KDM4C: variants seen among roughly 807,000 people sequenced by gnomAD.
KDM4C encodes lysine-specific demethylase 4C.
In KDM4C, 81 loss-of-function variants were observed where a neutral mutation model predicts 129.3. That is an observed-to-expected ratio of 0.63 (90% CI 0.52 to 0.75). The LOEUF (loss-of-function observed/expected upper bound fraction) is 0.75, where lower values mean the gene tolerates loss of function less well. KDM4C is among the 30% of genes least tolerant of loss of function. The probability of loss-of-function intolerance (pLI) is 0.00; values close to 1 mark genes in which losing one functional copy is unlikely to be tolerated. For missense variants in KDM4C, 1,457 were observed against 1,304.0 expected, an observed-to-expected ratio of 1.12 and a Z score of -1.81; for synonymous variants, 573 against 456.1, an observed-to-expected ratio of 1.26 and a Z score of -3.26.
At position 6,758,010 on chromosome 9, in the gene KDM4C, A is replaced by T. The variant is rs958571001; in HGVS notation, c.-211A>T. The T allele has an allele frequency of 5.0e-5, 49 of 984,814 alleles. No individual in the cohort carries two copies. The highest frequency in any genetic ancestry group is 5.5e-5 in the Non-Finnish European group (46 of 829,764). 61.0% of individuals were successfully genotyped at this position (984,814 alleles called of 1,614,324 possible). A position where few individuals can be genotyped will look rare whatever the true frequency, so the allele number is the denominator to read the frequency against. On this transcript the variant is annotated 5_prime_UTR_variant, in exon 1 of 22. Transcript: ENST00000381309. This position sits in a 1 kb window ranked among gnomAD's most constrained non-coding sequence, Gnocchi z 4.6. The stretch of plus-strand genomic sequence containing the variant: ...GCGCGCGCCTTCGCCGCTGCCTCCC[A>T]CCCACCCCCTCGACGGGAGGGTGAG...
chr9:6,984,451 G>A (rs750532462), intron 10 of KDM4C, 47 bp downstream of exon 10: 22 of 1,196,086 alleles, frequency 1.8e-5, no homozygotes, highest in Non-Finnish European at 2.7e-5. Flanking sequence ...GTAGGTGGTT[G>A]ATGATCAGAT....
In KDM4C at chr9:6,804,307, A is replaced by C. The variant is rs540828321; in HGVS notation, c.145-1292A>C. Among the ~76,000 whole-genome samples the C allele has an allele frequency of 2.4e-4, 36 of 152,300 alleles. No individual in the cohort carries two copies. In the East Asian group the frequency reaches 5.4e-3, roughly 23 times the overall value. ...TCCCAGCTGCTTATGTAGTGATGTC[A>C]CGTTGGTAGGTTCAGATTGGCCATG... On this transcript the variant is annotated intron_variant, in intron 2 of 21. Coordinates refer to ENST00000381309, the MANE Select transcript of KDM4C (RefSeq NM_015061.6).
At chr9:6,836,067 G>A (rs1353747785) in intron 4 of KDM4C, among the ~76,000 whole-genome samples, 5 of 152,134 alleles carry the variant, frequency 3.3e-5, no homozygotes, top group Non-Finnish European at 7.3e-5. Context: ...AGCTTGAGAT[G>A]TATGAAGGCT....
At chr9:6,734,446 C>T in intron 1 of KDM4C, among the ~76,000 whole-genome samples, 1 of 151,968 alleles carries the variant, frequency 6.6e-6, no homozygotes, top group Non-Finnish European at 1.5e-5. Flanking sequence ...AGGCATGCGC[C>T]ACCACGCCCA....
At chr9:7,043,829 C>T (rs1321695084) in intron 15 of KDM4C, among the ~76,000 whole-genome samples, 1 of 151,962 alleles carries the variant, frequency 6.6e-6, no homozygotes, top group African/African-American at 2.4e-5. Context: ...ACTTTGTCAA[C>T]TCACTAAAGC....
At chr9:6,757,457 C>T (rs963380073), upstream of KDM4C, among the ~76,000 whole-genome samples, 2 of 152,264 alleles carry the variant, frequency 1.3e-5, no homozygotes, top group African/African-American at 4.8e-5. Context: ...TACTCTTCGC[C>T]TATTCGGGAT....
upstream of KDM4C, among the ~76,000 whole-genome samples, chr9:6,752,918 G>A (rs1377512041): frequency 1.3e-5 from 2 of 152,150 alleles, no homozygotes; most frequent in Non-Finnish European, 2.9e-5. Context: ...AGTGATGAAA[G>A]ATGTCCTGTG....
Position 7,079,016 on chromosome 9 carries a change from C to A in KDM4C, c.2425-24669C>A, listed in dbSNP as rs149482466. ...TAGCATGTACCAAAATTTCAGACTC[C>A]CAGAAGAAAAGCAGGTTTACAGATT... On this transcript the variant is annotated intron_variant, in intron 17 of 21. Transcript: ENST00000381309. 2.1e-3 allele frequency among the ~76,000 whole-genome samples: 327 copies of A among 152,202 alleles called. 2 individuals carry two copies. Among genetic ancestry groups the A allele is most frequent in the African/African-American group, 7.5e-3 (313 of 41,526 alleles).
intron 1 of KDM4C, among the ~76,000 whole-genome samples, chr9:6,740,395 G>A (rs886809581): frequency 1.5e-4 from 23 of 151,950 alleles, no homozygotes; most frequent in African/African-American, 5.3e-4. Context: ...AGTAGAGATG[G>A]GGTTTCACCG....
intron 2 of KDM4C, among the ~76,000 whole-genome samples, chr9:6,794,416 G>C (rs1827332158): frequency 6.6e-6 from 1 of 152,210 alleles, no homozygotes; most frequent in Non-Finnish European, 1.5e-5. Flanking sequence ...GACTTGTCTG[G>C]CTATGGTAAG....
At chr9:6,816,222 A>T (rs754573769) in intron 4 of KDM4C, among the ~76,000 whole-genome samples, 2 of 152,204 alleles carry the variant, frequency 1.3e-5, no homozygotes, top group Non-Finnish European at 2.9e-5. Flanking sequence ...TAATTCCATT[A>T]TTATATTATT....
At position 6,990,451 on chromosome 9, in the gene KDM4C, G is replaced by A. The variant is rs745539963; in HGVS notation, c.1713G>A (p.Trp571Ter). ...AEGENKTSKS[W>*]RHPLSRPPAR... ...GAGAGAACAAAACCTCTAAGAGTTG[G>A]CGCCATCCACTTAGCAGGCCTCCAG... The change falls in exon 12 of 22, where the codon TGG becomes TGA. Residue 571 changes from tryptophan to a stop codon, truncating the protein, a stop_gained. Coordinates refer to ENST00000381309, the MANE Select transcript of KDM4C (RefSeq NM_015061.6). LOFTEE classifies it high-confidence loss of function. 1.2e-6 allele frequency: 2 copies of A among 1,613,446 alleles called. No individual in the cohort carries two copies. Among genetic ancestry groups the A allele is most frequent in the Admixed American group, 1.7e-5 (1 of 59,934 alleles).
chr9:6,884,280 A>G (rs906199896), intron 6 of KDM4C, among the ~76,000 whole-genome samples: 2 of 152,216 alleles, frequency 1.3e-5, no homozygotes, highest in African/African-American at 2.4e-5. Flanking sequence ...TGTGCCTCTC[A>G]TGTCAACCTC....
intron 1 of KDM4C, among the ~76,000 whole-genome samples, chr9:6,734,127 G>C (rs962917180): frequency 6.6e-6 from 1 of 151,910 alleles, no homozygotes; most frequent in Non-Finnish European, 1.5e-5. Flanking sequence ...AGATGGAGTT[G>C]GTCTGGTTCA....
intron 4 of KDM4C, among the ~76,000 whole-genome samples, chr9:6,826,258 G>T (rs1833851393): frequency 6.7e-6 from 1 of 148,706 alleles, no homozygotes; most frequent in African/African-American, 2.5e-5. Flanking sequence ...TAGTTTTCTT[G>T]ATAATCTATA....
chr9:7,156,248 T>G (rs1043919146), intron 19 of KDM4C, among the ~76,000 whole-genome samples: 7 of 152,250 alleles, frequency 4.6e-5, no homozygotes, highest in Admixed American at 6.5e-5. Context: ...AGATTCTGGA[T>G]ATCAGCCCTT....
At chr9:6,727,839 C>G (rs1456248980) in intron 1 of KDM4C, among the ~76,000 whole-genome samples, 1 of 149,656 alleles carries the variant, frequency 6.7e-6, no homozygotes, top group Non-Finnish European at 1.5e-5. Context: ...TCTCAATGTT[C>G]TCAGTATGAA....
chr9:6,838,321 T>G (rs1307816737), intron 4 of KDM4C, among the ~76,000 whole-genome samples: 1 of 152,216 alleles, frequency 6.6e-6, no homozygotes, highest in African/African-American at 2.4e-5. Flanking sequence ...CAGTGTTGGC[T>G]TTCTTCCCGG....
intron 8 of KDM4C, among the ~76,000 whole-genome samples, chr9:6,969,571 C>T (rs942653194): frequency 4.6e-5 from 7 of 152,174 alleles, no homozygotes; most frequent in East Asian, 1.9e-4. Context: ...CTTTTACATC[C>T]GTGCCTGGAT....
Sources: gnomAD v4.1 joint callset for allele counts (sites outside exome capture counted in the v4.1 genomes callset) on GRCh38, gnomAD v4.1.1 for gene constraint, Gnocchi (gnomAD v3.1) non-coding constraint, MANE v1.5 for transcripts, NCBI Gene and HGNC (gene_info 2026-07-23, HGNC 2026-07-21) for gene names.